PRODH2: variants seen among roughly 807,000 people sequenced by gnomAD.
PRODH2 encodes the protein hydroxyproline dehydrogenase.
PRODH2 carries 49 observed loss-of-function variants against 51.9 expected under a neutral mutation model. That is an observed-to-expected ratio of 0.94 (90% CI 0.75 to 1.20). The LOEUF (loss-of-function observed/expected upper bound fraction) is 1.20. Ranked by LOEUF, PRODH2 falls within the 50% of genes most tolerant of loss-of-function variation. PRODH2 has a pLI of 0.00. For missense variants in PRODH2, 597 were observed against 610.9 expected (o/e 0.98, Z 0.24); for synonymous variants, 249 against 260.7 (o/e 0.96, Z 0.43).
Position 35,812,215 on chromosome 19 carries a change from C to T in PRODH2, c.429G>A (p.Arg143=). 1.2e-6 allele frequency: 2 copies of T among 1,614,030 alleles called. No individual in the cohort carries two copies. The highest frequency in any genetic ancestry group is 1.7e-6 in the Non-Finnish European group (2 of 1,180,016). ...CCAGGCTGGGGGGCTCCAGGAGGCCCCGTGACAGGTCCACACACCGCAGCA... is the reference window on the plus strand; with the variant it reads ...CCAGGCTGGGGGGCTCCAGGAGGCCTCGTGACAGGTCCACACACCGCAGCA... ...GAMLRCVDLS[R]GLLEPPSLAE... The change falls in exon 3 of 10, where the codon CGG becomes CGA. Residue 143 remains arginine (R), a synonymous_variant. Transcript: ENST00000653904.
At chr19:35,808,580 A>T (rs1972549931) in intron 4 of PRODH2, among the ~76,000 whole-genome samples, 2 of 152,022 alleles carry the variant, frequency 1.3e-5, no homozygotes, top group South Asian at 4.1e-4. Flanking sequence ...TATTTCAGAC[A>T]CCCACCAAAT....
chr19:35,812,223 G>T lies in PRODH2; in HGVS notation c.421C>A (p.Leu141Met). ...GGGGGCTCCAGGAGGCCCCGTGACAGGTCCACACACCGCAGCATAGCACCG... is the reference window on the plus strand; with the variant it reads ...GGGGGCTCCAGGAGGCCCCGTGACATGTCCACACACCGCAGCATAGCACCG... Reference protein sequence around the residue: ...NLGAMLRCVDLSRGLLEPPSL... With the variant: ...NLGAMLRCVDMSRGLLEPPSL... The change falls in exon 3 of 10, where the codon CTG (leucine) becomes ATG (methionine). Residue 141 changes from leucine (L) to methionine (M), a missense_variant. Physicochemically the swap from Leu to Met is conservative, Grantham distance 15 (BLOSUM62 2). Coordinates refer to ENST00000653904, the MANE Select transcript of PRODH2 (RefSeq NM_021232.2). 2 of 1,613,980 alleles carry T rather than the reference G, an allele frequency of 1.2e-6. No homozygotes were observed. The highest frequency in any genetic ancestry group is 1.7e-6 in the Non-Finnish European group (2 of 1,180,018).
At chr19:35,811,548 G>GAGAA (rs138661225) in intron 4 of PRODH2, among the ~76,000 whole-genome samples, 1 of 150,856 alleles carries the variant, frequency 6.6e-6, no homozygotes, top group African/African-American at 2.4e-5. Context: ...AGGAGAGAGA[G>GAGAA]AGAAAGAAAG....
At chr19:35,812,311 C>T in intron 2 of PRODH2, 39 bp from the exon 3 acceptor site, 2 of 1,610,914 alleles carry the variant, frequency 1.2e-6, no homozygotes, top group Non-Finnish European at 1.7e-6. Context: ...AACAGCAAAG[C>T]CCCTTCCTGC....
chr19:35,806,739 A>G lies in PRODH2; in HGVS notation c.770T>C (p.Val257Ala). The G allele has an allele frequency of 1.9e-6, 3 of 1,613,806 alleles. No homozygotes were observed. The highest frequency in any genetic ancestry group is 2.5e-6 in the Non-Finnish European group (3 of 1,179,882). The change falls in exon 6 of 10, where the codon GTG becomes GCG. Residue 257 changes from valine to alanine, a missense_variant. Transcript: ENST00000653904. Reference protein sequence around the residue: ...ALSLLVAALAVRWNSPGEGGP... With the variant: ...ALSLLVAALAARWNSPGEGGP... ...GCCTTCACCCGGGCTGTTCCAGCGC[A>G]CAGCCAGGGCAGCCACCAGCAGCGA...
Position 35,802,949 on chromosome 19 carries a change from C to A in PRODH2, c.1112+19G>T. The A allele has an allele frequency of 6.6e-7, 1 of 1,506,666 alleles. No individual in the cohort carries two copies. The highest frequency in any genetic ancestry group is 2.0e-5 in the Admixed American group (1 of 49,078). 93.3% of individuals were successfully genotyped at this position (1,506,666 alleles called of 1,614,324 possible). ...CCTTTTGTGGGCACCTATTTCCCGCCCATCCCTCCACCTCATACCGCTTGG... is the reference window on the plus strand; with the variant it reads ...CCTTTTGTGGGCACCTATTTCCCGCACATCCCTCCACCTCATACCGCTTGG... On this transcript the variant is annotated intron_variant, in intron 8 of 9. Transcript: ENST00000653904.
chr19:35,801,892 G>A lies in PRODH2; in HGVS notation c.1198+299C>T, dbSNP rs1972436815. On this transcript the variant is annotated intron_variant, in intron 9 of 9. Coordinates refer to ENST00000653904, the MANE Select transcript of PRODH2 (RefSeq NM_021232.2). The stretch of plus-strand genomic sequence containing the variant: ...TCAAGCTATGAATTTAGGATAAAGT[G>A]ATTTCGTTCTGCTTAGCACCTGGCA... 7 of 371,594 alleles carry A rather than the reference G, an allele frequency of 1.9e-5. No individual in the cohort carries two copies. In the South Asian group the frequency reaches 3.5e-4, roughly 19 times the overall value. 23.0% of individuals were successfully genotyped at this position (371,594 alleles called of 1,614,324 possible). A position where few individuals can be genotyped will look rare whatever the true frequency, so the allele number is the denominator to read the frequency against.
Position 35,812,381 on chromosome 19 carries a change from G to A in PRODH2, c.350C>T (p.Pro117Leu), listed in dbSNP as rs530449688. ...TCACCCACTCTTGGCAGCAGAGTCC[G>A]GCTCCTCCTCAGTGGGCACTGCCAG... ...PLLAVPTEEE[P>L]DSAAKSGEAW... Residue 117 changes from proline (P) to leucine (L), a missense_variant, in exon 2 of 10, where the codon CCG becomes CTG. By Grantham distance (98) the Pro-to-Leu change is moderately conservative (BLOSUM62 -3). Transcript: ENST00000653904. 8.1e-6 allele frequency: 13 copies of A among 1,613,610 alleles called. No individual in the cohort carries two copies. The highest frequency in any genetic ancestry group is 1.7e-4 in the Middle Eastern group (1 of 6,058).
chr19:35,810,210 G>A (rs1972586293), intron 4 of PRODH2, among the ~76,000 whole-genome samples: 1 of 149,260 alleles, frequency 6.7e-6, no homozygotes, highest in African/African-American at 2.5e-5. Context: ...AGTGAGCAGA[G>A]ATTGCGCCAC....
Position 35,803,002 on chromosome 19 carries a change from GGGAAGCCACCAT to G in PRODH2, c.1066_1077del (p.Met356_Ser359del), listed in dbSNP as rs1972456828. On this transcript the variant is annotated inframe_deletion, in exon 8 of 10. Coordinates refer to ENST00000653904, the MANE Select transcript of PRODH2 (RefSeq NM_021232.2). ...GCCTGGCGAACAGATTCCTCATTGTGGGAAGCCACCATGAGGTGGCACATGGGGCCATGGCGG... is the reference window on the plus strand; with the variant it reads ...GCCTGGCGAACAGATTCCTCATTGTGGAGGTGGCACATGGGGCCATGGCGG... 3.8e-6 allele frequency: 6 copies of G among 1,574,964 alleles called. No individual in the cohort carries two copies. The highest frequency in any genetic ancestry group is 5.2e-6 in the Non-Finnish European group (6 of 1,156,246).
Position 35,812,668 on chromosome 19 carries a change from C to G in PRODH2, c.138G>C (p.Leu46=). ...GAGTGACGAGTGGGGGCCAGGCACA[C>G]AGCCGGAGAACCAGCAAGGCCCGTG... is the stretch of plus-strand genomic sequence containing the variant. ...ELTRALLVLR[L]CAWPPLVTHG... Residue 46 remains leucine (L), a synonymous_variant, in exon 1 of 10, where the codon CTG becomes CTC. Coordinates refer to ENST00000653904, the MANE Select transcript of PRODH2 (RefSeq NM_021232.2). The G allele has an allele frequency of 6.3e-7, 1 of 1,598,832 alleles. No individual in the cohort carries two copies. The highest frequency in any genetic ancestry group is 8.5e-7 in the Non-Finnish European group (1 of 1,170,288).
chr19:35,808,423 G>T (rs1267716047), intron 4 of PRODH2, among the ~76,000 whole-genome samples: 2 of 152,106 alleles, frequency 1.3e-5, no homozygotes, highest in Non-Finnish European at 2.9e-5. Context: ...GGCAGGTTGG[G>T]CTGGAAGCTG....
intron 9 of PRODH2, among the ~76,000 whole-genome samples, chr19:35,801,052 G>A (rs1054748283): frequency 1.1e-4 from 17 of 152,078 alleles, no homozygotes; most frequent in East Asian, 3.9e-4. Flanking sequence ...CTATAATCCC[G>A]GCTACTGGGG....
intron 9 of PRODH2, chr19:35,801,942 T>C (rs1013815864): frequency 4.0e-5 from 20 of 496,260 alleles, no homozygotes; most frequent in African/African-American, 3.8e-4. Flanking sequence ...TTACCTGGTG[T>C]CAGGCCCTGA....
chr19:35,811,897 G>A (rs746955864), intron 4 of PRODH2, 65 bp downstream of exon 4: 45 of 1,476,126 alleles, frequency 3.0e-5, no homozygotes, highest in South Asian at 3.5e-5. Flanking sequence ...AACATCTGGC[G>A]TGCGGTGTGG....
At chr19:35,805,093 T>C (rs911301979) in intron 7 of PRODH2, among the ~76,000 whole-genome samples, 1 of 152,094 alleles carries the variant, frequency 6.6e-6, no homozygotes, top group Non-Finnish European at 1.5e-5. Flanking sequence ...AGAAGGCAGC[T>C]GACTGCTCAT....
At chr19:35,803,802 C>T (rs563010982) in intron 7 of PRODH2, among the ~76,000 whole-genome samples, 26 of 152,306 alleles carry the variant, frequency 1.7e-4, no homozygotes, top group African/African-American at 6.3e-4. Context: ...GAAGATAGTG[C>T]TCTATCGCGC....
intron 4 of PRODH2, among the ~76,000 whole-genome samples, chr19:35,808,592 T>C (rs1249841355): frequency 6.6e-6 from 1 of 152,056 alleles, no homozygotes; most frequent in Non-Finnish European, 1.5e-5. Context: ...CCACCAAATA[T>C]TTAACTCATT....
At chr19:35,809,958 CAAAAAA>C (rs1175392997) in intron 4 of PRODH2, among the ~76,000 whole-genome samples, 10 of 12,822 alleles carry the variant, frequency 7.8e-4, no homozygotes, top group African/African-American at 2.2e-3. Flanking sequence ...GATGCCGCTT[CAAAAAA>C]AAAAAAAAAA....
Sources: gnomAD v4.1 joint callset for allele counts (sites outside exome capture counted in the v4.1 genomes callset) on GRCh38, gnomAD v4.1.1 for gene constraint, MANE v1.5 for transcripts, NCBI Gene and HGNC (gene_info 2026-07-23, HGNC 2026-07-21) for gene names.